Variants in MYB observed in about 807,000 individuals in gnomAD.
The protein encoded by MYB is MYB proto-oncogene, transcription factor.
A neutral mutation model predicts 92.9 loss-of-function variants in MYB; 28 were observed. That is an observed-to-expected ratio of 0.30 (90% CI 0.22 to 0.41). The LOEUF (loss-of-function observed/expected upper bound fraction) is 0.41, where lower values mean the gene tolerates loss of function less well. Among genes scored for constraint, MYB ranks in the 10% least tolerant of loss-of-function variants. The pLI is 1.00. For missense variants in MYB, 679 were observed against 929.3 expected (o/e 0.73, Z 3.50); for synonymous variants, 295 against 329.1 (o/e 0.90, Z 1.12).
At chr6:135,215,298 T>C (rs966334189) in intron 15 of MYB, among the ~76,000 whole-genome samples, 1 of 152,192 alleles carries the variant, frequency 6.6e-6, no homozygotes, top group African/African-American at 2.4e-5. Context: ...CTCAGCACTT[T>C]CCTGGATTCC....
chr6:135,202,827 A>G (rs1778319703), intron 14 of MYB: 1 of 423,520 alleles, frequency 2.4e-6, no homozygotes. Context: ...TTTTTTGCCA[A>G]TAATTTATAG....
intron 15 of MYB, among the ~76,000 whole-genome samples, chr6:135,217,337 T>C (rs1403274033): frequency 1.3e-5 from 2 of 150,892 alleles, no homozygotes; most frequent in African/African-American, 4.9e-5. Flanking sequence ...CCAATACCGA[T>C]CAGCCTGGTA....
Position 135,195,873 on chromosome 6 carries a change from A to G in MYB, c.1074A>G (p.Pro358=), listed in dbSNP as rs1562375695. The G allele has an allele frequency of 6.2e-7, 1 of 1,614,182 alleles. No individual in the cohort carries two copies. The highest frequency in any genetic ancestry group is 8.5e-7 in the Non-Finnish European group (1 of 1,180,034). ...AACACCACTCCACTCCATCTCTGCC[A>G]GCGGATCCTGGCTCCCTACCTGAAG... The part of the protein sequence containing the change: ...LGEHHSTPSL[P]ADPGSLPEES... Residue 358 remains proline (P), a synonymous_variant, in exon 9 of 16, where the codon CCA becomes CCG. Coordinates refer to ENST00000341911, the MANE Select transcript of MYB (RefSeq NM_001130173.2).
At chr6:135,184,255 G>T (rs1461393313) in intron 1 of MYB, among the ~76,000 whole-genome samples, 1 of 151,490 alleles carries the variant, frequency 6.6e-6, no homozygotes, top group Non-Finnish European at 1.5e-5. Flanking sequence ...ACTGCATTTG[G>T]GGTCTTTCCA....
At position 135,196,801 on chromosome 6, in the gene MYB, G is replaced by T. The variant is rs774101717; in HGVS notation, c.1204-160G>T. ...GCAGCCCACTAGACCCTGCTCTACT[G>T]CAGTATAATAGAGCAACTGCTCATC... is the stretch of plus-strand genomic sequence containing the variant. On this transcript the variant is annotated intron_variant, in intron 9 of 15. Coordinates refer to ENST00000341911, the MANE Select transcript of MYB (RefSeq NM_001130173.2). 11 of 1,567,908 alleles carry T rather than the reference G, an allele frequency of 7.0e-6. No homozygotes were observed. The South Asian group carries it at 1.1e-4, about 16-fold the overall frequency.
chr6:135,182,049 A>C lies in MYB; in HGVS notation c.23+513A>C, dbSNP rs1775132621. Reference sequence around the variant, plus strand: ...TTCATTCTTTATGGAGGCGAGGACCAGTGTCAGCTGACAGGCGGCTGAAAA... The same window carrying C: ...TTCATTCTTTATGGAGGCGAGGACCCGTGTCAGCTGACAGGCGGCTGAAAA... On this transcript the variant is annotated intron_variant, in intron 1 of 15. Coordinates refer to ENST00000341911, the MANE Select transcript of MYB (RefSeq NM_001130173.2). The surrounding 1 kb of genome is among the most constrained non-coding windows in gnomAD (Gnocchi z 5.6). Among the ~76,000 whole-genome samples, 3 of 152,372 alleles carry C rather than the reference A, an allele frequency of 2.0e-5. No homozygotes were observed. In the South Asian group the frequency reaches 6.2e-4, roughly 32 times the overall value.
chr6:135,189,069 C>A (rs1288455734), intron 3 of MYB, among the ~76,000 whole-genome samples: 1 of 152,138 alleles, frequency 6.6e-6, no homozygotes. Flanking sequence ...CCTGGTCTTC[C>A]CACCTCCTAG....
chr6:135,187,472 T>C lies in MYB; in HGVS notation c.142-362T>C, dbSNP rs151130530. Among the ~76,000 whole-genome samples the C allele has an allele frequency of 7.0e-4, 106 of 152,298 alleles. 2 individuals are homozygous for C. Among genetic ancestry groups the C allele is most frequent in the Non-Finnish European group, 4.4e-4 (30 of 68,004 alleles). ...TATGCCAGGCATTATGATAAATGTTTTGCAAAATTGCCTCATGTAATCCCC... is the reference window on the plus strand; with the variant it reads ...TATGCCAGGCATTATGATAAATGTTCTGCAAAATTGCCTCATGTAATCCCC... On this transcript the variant is annotated intron_variant, in intron 2 of 15. Transcript: ENST00000341911.
intron 9 of MYB, chr6:135,196,601 C>A (rs1019354404): frequency 5.4e-6 from 3 of 552,420 alleles, no homozygotes; most frequent in South Asian, 1.8e-5. Context: ...ACCTCCTCAG[C>A]GAACACTTGG....
At chr6:135,187,746 T>C in intron 2 of MYB, 88 bp from the exon 3 acceptor site, 1 of 790,896 alleles carries the variant, frequency 1.3e-6, no homozygotes, top group Non-Finnish European at 2.0e-6. Flanking sequence ...AGACTTTTTA[T>C]TCTAGATTCG....
Position 135,195,860 on chromosome 6 carries a change from C to G in MYB, c.1061C>G (p.Thr354Ser), listed in dbSNP as rs1411902573. Reference sequence around the variant, plus strand: ...TCCTGTTTGGGAGAACACCACTCCACTCCATCTCTGCCAGCGGATCCTGGC... The same window carrying G: ...TCCTGTTTGGGAGAACACCACTCCAGTCCATCTCTGCCAGCGGATCCTGGC... ...PVSCLGEHHS[T>S]PSLPADPGSL... Residue 354 changes from threonine to serine, a missense_variant, in exon 9 of 16, where the codon ACT (threonine) becomes AGT (serine). Around this residue, in one of 8 missense-constraint regions of MYB, gnomAD observed 56 missense variants for 55.8 expected, o/e 1.00. Coordinates refer to ENST00000341911, the MANE Select transcript of MYB (RefSeq NM_001130173.2). 1 of 1,614,224 alleles carries G rather than the reference C, an allele frequency of 6.2e-7. No individual in the cohort carries two copies. The highest frequency in any genetic ancestry group is 1.1e-5 in the South Asian group (1 of 91,086).
intron 1 of MYB, among the ~76,000 whole-genome samples, chr6:135,184,081 G>A (rs968735141): frequency 6.6e-6 from 1 of 152,120 alleles, no homozygotes; most frequent in African/African-American, 2.4e-5. Context: ...TTGTTAAACC[G>A]CTGCGGAGAG....
At position 135,181,561 on chromosome 6, in the gene MYB, C is replaced by G; in HGVS notation, c.23+25C>G. 1.7e-6 allele frequency: 2 copies of G among 1,158,844 alleles called. No individual in the cohort carries two copies. The highest frequency in any genetic ancestry group is 2.1e-6 in the Non-Finnish European group (2 of 940,738). The allele number at this position is 1,158,844 out of a possible 1,614,324, so 71.8% of individuals were successfully genotyped here. ...GGTAACGGGGAGCCGGGCGGGCGGCCGAGGGCGGGGGCGCGCGGGGGCGCG... is the reference window on the plus strand; with the variant it reads ...GGTAACGGGGAGCCGGGCGGGCGGCGGAGGGCGGGGGCGCGCGGGGGCGCG... On this transcript the variant is annotated intron_variant, in intron 1 of 15. Transcript: ENST00000341911. This position sits in a 1 kb window ranked among gnomAD's most constrained non-coding sequence, Gnocchi z 5.3.
chr6:135,202,270 T>A (rs1778211008), intron 14 of MYB: 1 of 152,940 alleles, frequency 6.5e-6, no homozygotes. Flanking sequence ...CTAAGATTTA[T>A]TTAGTAGGTA....
At chr6:135,194,580 C>T in intron 8 of MYB, 120 bp downstream of exon 8, 1 of 689,552 alleles carries the variant, frequency 1.5e-6, no homozygotes, top group Non-Finnish European at 2.4e-6. Context: ...CAGAATGTCT[C>T]AACACAAGAA....
chr6:135,186,043 C>A (rs113866862), intron 2 of MYB, 23 bp downstream of exon 2: 1 of 1,586,538 alleles, frequency 6.3e-7, no homozygotes, highest in Non-Finnish European at 8.7e-7. Context: ...TTTATCAAGA[C>A]GCAGAAAATA....
rs1777672705 is a variant in MYB, at chr6:135,198,765, A to T, written c.1567-143A>T. On this transcript the variant is annotated intron_variant, in intron 10 of 15. Transcript: ENST00000341911. ...ATTGAAATAAAACAATACCCTAGTC[A>T]ATATAACATGCTTGTTAGCATCTTT... is the stretch of plus-strand genomic sequence containing the variant. The T allele has an allele frequency of 2.5e-5, 16 of 634,848 alleles. No homozygotes were observed. The Admixed American group carries it at 5.5e-4, about 22-fold the overall frequency. 39.3% of individuals were successfully genotyped at this position (634,848 alleles called of 1,614,324 possible).
At chr6:135,195,126 A>T (rs1373722104) in intron 8 of MYB, 2 of 1,239,988 alleles carry the variant, frequency 1.6e-6, no homozygotes, top group Non-Finnish European at 2.1e-6. Context: ...AAATAATAAG[A>T]TGTTTATGTG....
Position 135,218,936 on chromosome 6 carries a change from C to G in MYB, c.*956C>G, listed in dbSNP as rs1780758607. ...ATGTTTTGTTTTGAGTGTAGCCTGA[C>G]TGTTTTATAATTTGGGAGTTCTGCA... is the stretch of plus-strand genomic sequence containing the variant. On this transcript the variant is annotated 3_prime_UTR_variant, in exon 16 of 16. Coordinates refer to ENST00000341911, the MANE Select transcript of MYB (RefSeq NM_001130173.2). 1 of 227,020 alleles carries G rather than the reference C, an allele frequency of 4.4e-6. No individual in the cohort carries two copies. The highest frequency in any genetic ancestry group is 2.2e-5 in the African/African-American group (1 of 44,948). 14.1% of individuals were successfully genotyped at this position (227,020 alleles called of 1,614,324 possible). A position where few individuals can be genotyped will look rare whatever the true frequency, so the allele number is the denominator to read the frequency against.
Sources: gnomAD v4.1 joint callset for allele counts (sites outside exome capture counted in the v4.1 genomes callset) on GRCh38, gnomAD v4.1.1 for gene constraint, gnomAD v4.1.1 regional missense constraint, Gnocchi (gnomAD v3.1) non-coding constraint, MANE v1.5 for transcripts, NCBI Gene and HGNC (gene_info 2026-07-23, HGNC 2026-07-21) for gene names.